The following NKAIN2 variants were observed in gnomAD, a reference collection of about 807,000 sequenced individuals.
NKAIN2 encodes sodium/potassium transporting ATPase interacting 2.
NKAIN2 carries 14 observed loss-of-function variants against 32.6 expected under a neutral mutation model. The observed-to-expected ratio is 0.43, with a 90% CI of 0.28 to 0.67. The LOEUF (loss-of-function observed/expected upper bound fraction) is 0.67, where lower values mean the gene tolerates loss of function less well. NKAIN2 is among the 30% of genes least tolerant of loss of function. NKAIN2 has a pLI of 0.17. For synonymous variants in NKAIN2, 80 were observed against 87.2 expected (o/e 0.92, Z 0.46); for missense variants, 198 against 258.3 (o/e 0.77, Z 1.60).
intron 3 of NKAIN2, among the ~76,000 whole-genome samples, chr6:124,436,891 T>C (rs1164298899): frequency 2.6e-5 from 4 of 152,140 alleles, no homozygotes; most frequent in South Asian, 2.1e-4. Context: ...GACTATACGG[T>C]TCTCCATGAG....
At chr6:124,154,484 T>A (rs1276931101) in intron 1 of NKAIN2, among the ~76,000 whole-genome samples, 2 of 151,946 alleles carry the variant, frequency 1.3e-5, no homozygotes, top group Non-Finnish European at 2.9e-5. Flanking sequence ...ACTTAGCTTC[T>A]TACTGATGCT....
At chr6:124,250,479 C>T (rs1049492649) in intron 1 of NKAIN2, among the ~76,000 whole-genome samples, 1 of 151,784 alleles carries the variant, frequency 6.6e-6, no homozygotes, top group African/African-American at 2.4e-5. Flanking sequence ...ATTAAATTAC[C>T]GGTAATTTAA....
At chr6:124,228,616 T>C (rs1344469384) in intron 1 of NKAIN2, among the ~76,000 whole-genome samples, 1 of 152,144 alleles carries the variant, frequency 6.6e-6, no homozygotes, top group East Asian at 1.9e-4. Flanking sequence ...AACTAACCAT[T>C]GTCCATGGTA....
intron 1 of NKAIN2, among the ~76,000 whole-genome samples, chr6:124,232,064 C>G (rs1315441297): frequency 6.6e-6 from 1 of 152,138 alleles, no homozygotes; most frequent in Non-Finnish European, 1.5e-5. Context: ...CACAAGATCT[C>G]ACAAACTTTT....
intron 3 of NKAIN2, among the ~76,000 whole-genome samples, chr6:124,373,018 G>A (rs1158316986): frequency 1.3e-5 from 2 of 152,154 alleles, no homozygotes; most frequent in Non-Finnish European, 2.9e-5. Flanking sequence ...TGACTGTTGT[G>A]AAAATAACTC....
intron 3 of NKAIN2, among the ~76,000 whole-genome samples, chr6:124,632,708 A>G (rs1248952707): frequency 6.6e-6 from 1 of 152,210 alleles, no homozygotes; most frequent in Admixed American, 6.5e-5. Flanking sequence ...AGATACATAT[A>G]CTTAAAAGTG....
chr6:124,692,970 C>A (rs559400686), intron 4 of NKAIN2, among the ~76,000 whole-genome samples: 1 of 152,182 alleles, frequency 6.6e-6, no homozygotes, highest in African/African-American at 2.4e-5. Context: ...AATTTGAACT[C>A]ATCACAGTGA....
intron 1 of NKAIN2, among the ~76,000 whole-genome samples, chr6:124,194,733 C>T (rs1018518012): frequency 6.6e-6 from 1 of 151,910 alleles, no homozygotes; most frequent in South Asian, 2.1e-4. Context: ...GATCAACTTA[C>T]AAAATATAAC....
intron 5 of NKAIN2, among the ~76,000 whole-genome samples, chr6:124,808,992 C>G (rs1780740504): frequency 6.6e-6 from 1 of 152,142 alleles, no homozygotes; most frequent in African/African-American, 2.4e-5. Context: ...AGGATACAAA[C>G]AAATGGAAGA....
chr6:123,843,100 T>G (rs796322532), intron 1 of NKAIN2, among the ~76,000 whole-genome samples: 8 of 152,050 alleles, frequency 5.3e-5, no homozygotes, highest in African/African-American at 1.7e-4. Flanking sequence ...CCCCAGAGGG[T>G]GTGTGGTACA....
chr6:124,556,362 T>C (rs1780475871), intron 3 of NKAIN2, among the ~76,000 whole-genome samples: 2 of 152,198 alleles, frequency 1.3e-5, no homozygotes, highest in African/African-American at 2.4e-5. Context: ...TAATTGCCAT[T>C]GTGATGGTAT....
At chr6:124,171,998 G>C (rs58110292) in intron 1 of NKAIN2, among the ~76,000 whole-genome samples, 4 of 151,792 alleles carry the variant, frequency 2.6e-5, no homozygotes, top group Non-Finnish European at 5.9e-5. Context: ...ATTTTTAGTA[G>C]AGACGGGGTT....
At chr6:124,323,743 T>C (rs9491124) in intron 2 of NKAIN2, among the ~76,000 whole-genome samples, 13,311 of 151,302 alleles carry the variant, frequency 0.088, 1,041 homozygotes, top group East Asian at 0.26. Flanking sequence ...CTTTCTTCTT[T>C]TGAAAGATTG....
chr6:124,403,636 A>G (rs56747925), intron 3 of NKAIN2, among the ~76,000 whole-genome samples: 2,416 of 152,348 alleles, frequency 0.016, 54 homozygotes, highest in African/African-American at 0.055. Context: ...TTTGCTAGAC[A>G]CTAGTAAAAT....
At chr6:124,508,979 T>G (rs1778604220) in intron 3 of NKAIN2, among the ~76,000 whole-genome samples, 1 of 152,232 alleles carries the variant, frequency 6.6e-6, no homozygotes, top group Non-Finnish European at 1.5e-5. Context: ...TCATTTTAAT[T>G]AATTACAACT....
At chr6:124,478,761 A>G (rs1398553428) in intron 3 of NKAIN2, among the ~76,000 whole-genome samples, 2 of 152,184 alleles carry the variant, frequency 1.3e-5, no homozygotes, top group South Asian at 2.1e-4. Flanking sequence ...ATTGATGTAG[A>G]TATTCTGCCC....
At chr6:124,737,251 G>A (rs536124942) in intron 4 of NKAIN2, among the ~76,000 whole-genome samples, 1 of 151,730 alleles carries the variant, frequency 6.6e-6, no homozygotes, top group Non-Finnish European at 1.5e-5. Flanking sequence ...TGAATCACAG[G>A]GATGGTTACC....
intron 3 of NKAIN2, among the ~76,000 whole-genome samples, chr6:124,424,145 C>T (rs1210195531): frequency 6.6e-6 from 1 of 152,092 alleles, no homozygotes; most frequent in Admixed American, 6.5e-5. Context: ...AGGTGCCCGC[C>T]ACCATGCCCA....
chr6:124,408,871 A>G (rs535410881), intron 3 of NKAIN2, among the ~76,000 whole-genome samples: 2 of 152,180 alleles, frequency 1.3e-5, no homozygotes, highest in South Asian at 4.2e-4. Context: ...CTTCTATTTC[A>G]TTGAGCAGTG....
Sources: allele counts gnomAD v4.1 joint callset (sites outside exome capture counted in the v4.1 genomes callset), GRCh38; gene constraint gnomAD v4.1.1; transcripts MANE v1.5; gene names NCBI Gene and HGNC (gene_info 2026-07-23, HGNC 2026-07-21).